SH2B3: variants seen among roughly 807,000 people sequenced by gnomAD.
The protein encoded by SH2B3 is SH2B adapter protein 3.
A neutral mutation model predicts 51.9 loss-of-function variants in SH2B3; 43 were observed. The ratio of observed to expected loss-of-function variants is 0.83; its 90% confidence interval spans 0.65 to 1.07. The LOEUF (loss-of-function observed/expected upper bound fraction) is 1.07. Among genes scored for constraint, SH2B3 ranks in the 50% least tolerant of loss-of-function variants. SH2B3 has a pLI of 0.00. For synonymous variants in SH2B3, 396 were observed against 376.0 expected (o/e 1.05, Z -0.62); for missense variants, 952 against 834.3 (o/e 1.14, Z -1.74).
intron 2 of SH2B3, among the ~76,000 whole-genome samples, chr12:111,441,209 C>CT (rs1252955469): frequency 6.6e-6 from 1 of 152,014 alleles, no homozygotes; most frequent in Non-Finnish European, 1.5e-5. Context: ...GATCCTATCT[C>CT]TATCTCTACA....
rs1871232685 is a variant in SH2B3 at position 111,418,253 on chromosome 12, G to A, written c.108G>A (p.Ala36=). The change falls in exon 2 of 8, where the codon GCG becomes GCA. Residue 36 remains alanine, a synonymous_variant. Coordinates refer to ENST00000341259, the MANE Select transcript of SH2B3 (RefSeq NM_005475.3). This position sits in a 1 kb window ranked among gnomAD's most constrained non-coding sequence, Gnocchi z 6.7. ...AGTTCTGTGAGTTGCACGCCGTAGC[G>A]GCGGCCCGGGAGCTGGCCCGCCAGT... The part of the protein sequence containing the change: ...WSEFCELHAV[A]AARELARQYW... 6.5e-7 allele frequency: 1 copy of A among 1,535,392 alleles called. No homozygotes were observed. The highest frequency in any genetic ancestry group is 2.5e-5 in the East Asian group (1 of 40,612).
rs376914049 is a variant in SH2B3, at chr12:111,448,225, C to T, written c.1651C>T (p.Arg551Trp). The part of the protein sequence containing the change: ...HLEHEPVNRA[R>W]DSDYEMDSSS... ...GGAGCATGAGCCTGTGAATCGAGCC[C>T]GGGACTCGGACTACGAAATGGACTC... Residue 551 changes from arginine (R) to tryptophan (W), a missense_variant, in exon 8 of 8, where the codon CGG becomes TGG. Coordinates refer to ENST00000341259, the MANE Select transcript of SH2B3 (RefSeq NM_005475.3). 8.1e-5 allele frequency: 130 copies of T among 1,613,994 alleles called. No homozygotes were observed. Among genetic ancestry groups the T allele is most frequent in the East Asian group, 7.1e-4 (32 of 44,884 alleles).
chr12:111,425,598 CT>C (rs2135560921), intron 2 of SH2B3, among the ~76,000 whole-genome samples: 1 of 152,256 alleles, frequency 6.6e-6, no homozygotes, highest in East Asian at 1.9e-4. Flanking sequence ...TGCAGAGGCC[CT>C]TGTGGGCCAC....
At chr12:111,437,935 GT>G (rs1873032349) in intron 2 of SH2B3, among the ~76,000 whole-genome samples, 1 of 152,196 alleles carries the variant, frequency 6.6e-6, no homozygotes, top group Admixed American at 6.5e-5. Context: ...TGGCAGCAAG[GT>G]TTGGTGCCCA....
At chr12:111,414,225 A>C (rs763697960) in intron 1 of SH2B3, among the ~76,000 whole-genome samples, 22 of 152,184 alleles carry the variant, frequency 1.4e-4, no homozygotes, top group Admixed American at 2.6e-4. Context: ...TCTGCCTGAC[A>C]GCTTTTAGTG....
Position 111,406,571 on chromosome 12 carries a change from C to T in SH2B3, c.-28+294C>T, listed in dbSNP as rs1870266744. 6.6e-6 allele frequency among the ~76,000 whole-genome samples: 1 copy of T among 152,228 alleles called. No homozygotes were observed. Among genetic ancestry groups the T allele is most frequent in the Non-Finnish European group, 1.5e-5 (1 of 68,032 alleles). On this transcript the variant is annotated intron_variant, in intron 1 of 7. Coordinates refer to ENST00000341259, the MANE Select transcript of SH2B3 (RefSeq NM_005475.3). The surrounding 1 kb of genome is among the most constrained non-coding windows in gnomAD (Gnocchi z 5.7). ...ACGCCCCCAGCCCACCCTACGGTAG[C>T]CTCGCCGGTTGGGGGCGGCCCTCCC...
chr12:111,433,996 T>C (rs975268774), intron 2 of SH2B3, among the ~76,000 whole-genome samples: 3 of 152,208 alleles, frequency 2.0e-5, no homozygotes, highest in Non-Finnish European at 4.4e-5. Flanking sequence ...TTTCTTATTC[T>C]TTTGATACAT....
Position 111,418,158 on chromosome 12 carries a change from G to C in SH2B3, c.13G>C (p.Ala5Pro). 6.5e-7 allele frequency: 1 copy of C among 1,528,116 alleles called. No individual in the cohort carries two copies. The highest frequency in any genetic ancestry group is 8.7e-7 in the Non-Finnish European group (1 of 1,152,244). The allele number at this position is 1,528,116 out of a possible 1,614,324, so 94.7% of individuals were successfully genotyped here. A position where few individuals can be genotyped will look rare whatever the true frequency, so the allele number is the denominator to read the frequency against. MNGP[A>P]LQPSSPSSAP... is the part of the protein sequence containing the mutation. ...CTGGGTCTCCGCCATGAACGGGCCT[G>C]CCCTGCAGCCCTCCTCGCCCTCTTC... Residue 5 changes from alanine to proline, a missense_variant, in exon 2 of 8, where the codon GCC (alanine) becomes CCC (proline). Ala to Pro is a conservative substitution (Grantham distance 27, BLOSUM62 -1). Coordinates refer to ENST00000341259, the MANE Select transcript of SH2B3 (RefSeq NM_005475.3). The surrounding 1 kb of genome is among the most constrained non-coding windows in gnomAD (Gnocchi z 6.7).
intron 1 of SH2B3, among the ~76,000 whole-genome samples, chr12:111,413,402 A>G (rs1341292804): frequency 6.6e-6 from 1 of 152,190 alleles, no homozygotes; most frequent in Non-Finnish European, 1.5e-5. Context: ...CCTGTCTCTA[A>G]AAAGAGAAAG....
Position 111,447,776 on chromosome 12 carries a change from G to A in SH2B3, c.1357G>A (p.Ala453Thr), listed in dbSNP as rs74163667. The change falls in exon 7 of 8, where the codon GCC becomes ACC. Residue 453 changes from alanine (A) to threonine (T), a missense_variant. Ala to Thr is a moderately conservative substitution (Grantham distance 58). Coordinates refer to ENST00000341259, the MANE Select transcript of SH2B3 (RefSeq NM_005475.3). ...RSPIPLECGA[A>T]CDVRLSSYVV... ...GCCCATCCCACTCGAGTGCGGCGCC[G>A]CCTGTGATGTCCGGCTCTCCAGCTA... The A allele has an allele frequency of 2.0e-5, 33 of 1,613,966 alleles. No homozygotes were observed. The highest frequency in any genetic ancestry group is 5.0e-5 in the Admixed American group (3 of 60,000).
intron 2 of SH2B3, among the ~76,000 whole-genome samples, chr12:111,434,030 A>C (rs1446073962): frequency 6.6e-6 from 1 of 152,204 alleles, no homozygotes; most frequent in African/African-American, 2.4e-5. Flanking sequence ...CCTTCCAGAA[A>C]GGTCATACGC....
At chr12:111,420,199 T>C (rs1167087078) in intron 2 of SH2B3, among the ~76,000 whole-genome samples, 1 of 151,902 alleles carries the variant, frequency 6.6e-6, no homozygotes, top group East Asian at 1.9e-4. Flanking sequence ...AAAACCCCAT[T>C]GCTACAAAAA....
intron 2 of SH2B3, among the ~76,000 whole-genome samples, chr12:111,424,242 C>T (rs1442370308): frequency 6.6e-6 from 1 of 152,136 alleles, no homozygotes; most frequent in Non-Finnish European, 1.5e-5. Flanking sequence ...TATCACCTTT[C>T]TGAGACTCAG....
rs1057459261 is a variant in SH2B3, at chr12:111,444,860, T to C, written c.733-1893T>C. 3 of 985,514 alleles carry C rather than the reference T, an allele frequency of 3.0e-6. No homozygotes were observed. In the African/African-American group the frequency reaches 5.2e-5, roughly 17 times the overall value. The allele number at this position is 985,514 out of a possible 1,614,324, so 61.0% of individuals were successfully genotyped here. On this transcript the variant is annotated intron_variant, in intron 2 of 7. Transcript: ENST00000341259. Reference sequence around the variant, plus strand: ...GGCATAGGACACCCATACCACCAGGTAGCTGTGGCGGACCCCGGCTCTGAT... The same window carrying C: ...GGCATAGGACACCCATACCACCAGGCAGCTGTGGCGGACCCCGGCTCTGAT...
Position 111,449,729 on chromosome 12 carries a change from T to G in SH2B3, c.*1427T>G, listed in dbSNP as rs912081662. On this transcript the variant is annotated 3_prime_UTR_variant, in exon 8 of 8. Coordinates refer to ENST00000341259, the MANE Select transcript of SH2B3 (RefSeq NM_005475.3). ...AGTGGCTTCTAGGAAACTGGGAGTT[T>G]AGATCAGCTTTACAGATACATCGAT... 1 of 152,186 alleles carries G rather than the reference T, an allele frequency of 6.6e-6. No individual in the cohort carries two copies. Among genetic ancestry groups the G allele is most frequent in the African/African-American group, 2.4e-5 (1 of 41,432 alleles). The allele number at this position is 152,186 out of a possible 1,614,324, so 9.4% of individuals were successfully genotyped here.
chr12:111,422,606 G>A (rs1315671205), intron 2 of SH2B3, among the ~76,000 whole-genome samples: 1 of 151,464 alleles, frequency 6.6e-6, no homozygotes, highest in African/African-American at 2.4e-5. Flanking sequence ...TGTTGCCCAG[G>A]CTGGAGTGCA....
intron 2 of SH2B3, among the ~76,000 whole-genome samples, chr12:111,432,502 G>A (rs1394045455): frequency 6.6e-6 from 1 of 152,174 alleles, no homozygotes; most frequent in Admixed American, 6.5e-5. Flanking sequence ...TGCTCTCAAA[G>A]CTTTATTGAG....
rs1872325580 is a variant in SH2B3, at chr12:111,429,912, C to T, written c.732+11035C>T. 6.6e-6 allele frequency among the ~76,000 whole-genome samples: 1 copy of T among 152,196 alleles called. No individual in the cohort carries two copies. Among genetic ancestry groups the T allele is most frequent in the African/African-American group, 2.4e-5 (1 of 41,448 alleles). On this transcript the variant is annotated intron_variant, in intron 2 of 7. Coordinates refer to ENST00000341259, the MANE Select transcript of SH2B3 (RefSeq NM_005475.3). This position sits in a 1 kb window ranked among gnomAD's most constrained non-coding sequence, Gnocchi z 4.4. ...CAGGCAGAGAGAAAGCACCCACCCTCCACCGTCAGAACGAGCCTGTATCCC... is the reference window on the plus strand; with the variant it reads ...CAGGCAGAGAGAAAGCACCCACCCTTCACCGTCAGAACGAGCCTGTATCCC...
At chr12:111,405,377 G>A (rs1870167728), upstream of SH2B3, among the ~76,000 whole-genome samples, 2 of 147,806 alleles carry the variant, frequency 1.4e-5, no homozygotes, top group Admixed American at 6.7e-5. The surrounding 1 kb of genome is among the most constrained non-coding windows in gnomAD (Gnocchi z 5.4). Flanking sequence ...GGTCGGGCAG[G>A]GCTGGGCTCC....
Sources: allele counts gnomAD v4.1 joint callset (sites outside exome capture counted in the v4.1 genomes callset), GRCh38; gene constraint gnomAD v4.1.1; non-coding constraint Gnocchi (gnomAD v3.1); transcripts MANE v1.5; gene names NCBI Gene and HGNC (gene_info 2026-07-23, HGNC 2026-07-21).